CACNB2: variants seen among roughly 807,000 people sequenced by gnomAD.
CACNB2 encodes voltage-dependent L-type calcium channel subunit beta-2.
Under a neutral mutation model 73.3 loss-of-function variants are expected in CACNB2, and 42 were observed. The ratio of observed to expected loss-of-function variants is 0.57; its 90% CI spans 0.45 to 0.74. CACNB2 has a LOEUF of 0.74. CACNB2 is among the 30% of genes least tolerant of loss of function. CACNB2 has a pLI of 0.00. For missense variants in CACNB2, 940 were observed against 853.0 expected (o/e 1.10, Z -1.27); for synonymous variants, 348 against 310.3 (o/e 1.12, Z -1.28).
chr10:18,417,883 TA>T (rs1160204615), intron 3 of CACNB2, among the ~76,000 whole-genome samples: 4 of 151,784 alleles, frequency 2.6e-5, no homozygotes, highest in South Asian at 2.1e-4. Flanking sequence ...TGAAACGATT[TA>T]AAAAAAGATT....
At chr10:18,331,902 A>G (rs1285701380) in intron 2 of CACNB2, among the ~76,000 whole-genome samples, 1 of 152,156 alleles carries the variant, frequency 6.6e-6, no homozygotes, top group East Asian at 1.9e-4. Flanking sequence ...GCAGGAGTTG[A>G]TTAGGGGCGC....
intron 3 of CACNB2, among the ~76,000 whole-genome samples, chr10:18,450,321 A>G (rs1223899475): frequency 6.6e-6 from 1 of 152,192 alleles, no homozygotes; most frequent in African/African-American, 2.4e-5. Flanking sequence ...AGCATCCTTT[A>G]GCAAAAGTAG....
chr10:18,198,343 A>T (rs1292651006), intron 2 of CACNB2, among the ~76,000 whole-genome samples: 5 of 152,012 alleles, frequency 3.3e-5, no homozygotes, highest in African/African-American at 1.2e-4. Flanking sequence ...TGATATATGT[A>T]AAGCTCATAC....
At chr10:18,334,273 T>C (rs2040916273) in intron 2 of CACNB2, among the ~76,000 whole-genome samples, 1 of 152,096 alleles carries the variant, frequency 6.6e-6, no homozygotes, top group African/African-American at 2.4e-5. Context: ...CTCAGGTCCT[T>C]CCATCTGCAA....
At chr10:18,439,458 C>T (rs2046309001) in intron 3 of CACNB2, among the ~76,000 whole-genome samples, 1 of 152,154 alleles carries the variant, frequency 6.6e-6, no homozygotes, top group Non-Finnish European at 1.5e-5. Context: ...GATTCTCAGC[C>T]ACCTTCAGTT....
In CACNB2 at chr10:18,152,709, C is replaced by CAAAAAAAAAAAAAAAAAAA. The variant is rs772732675; in HGVS notation, c.213+1739_213+1757dup. On this transcript the variant is annotated intron_variant, in intron 2 of 13. Coordinates refer to ENST00000324631, the MANE Select transcript of CACNB2 (RefSeq NM_201596.3). ...TCATCATGCAGGACCTGAAACAGAC[C>CAAAAAAAAAAAAAAAAAAA]AAAAAAAAAAAAAAAAAAAAAAACA... 2.5e-3 allele frequency among the ~76,000 whole-genome samples: 123 copies of CAAAAAAAAAAAAAAAAAAA among 49,348 alleles called. 3 individuals are homozygous for CAAAAAAAAAAAAAAAAAAA. Among genetic ancestry groups the CAAAAAAAAAAAAAAAAAAA allele is most frequent in the African/African-American group, 4.0e-3 (52 of 13,078 alleles). The allele number at this position is 49,348 out of a possible 152,430, so 32.4% of individuals were successfully genotyped here. A position where few individuals can be genotyped will look rare whatever the true frequency, so the allele number is the denominator to read the frequency against.
rs547909227 is a variant in CACNB2 at position 18,152,533 on chromosome 10, C to A, written c.213+1558C>A. Among the ~76,000 whole-genome samples the A allele has an allele frequency of 2.6e-5, 4 of 151,906 alleles. 1 individual carries two copies. The South Asian group carries it at 6.3e-4, about 24-fold the overall frequency. ...GCAGAATCCAGGCATCATGGTCCTG[C>A]TGATGAAGGGAGGGCCTTGGGACAT... On this transcript the variant is annotated intron_variant, in intron 2 of 13. Transcript: ENST00000324631.
chr10:18,539,541 C>A lies in CACNB2; in HGVS notation c.1800C>A (p.His600Gln). ...HRDETHGSSD[H>Q]RHRESRHRSR... ...ACGAGACCCACGGGAGCAGTGACCACAGACACAGGGAGTCCCGGCACCGTT... is the reference window on the plus strand; with the variant it reads ...ACGAGACCCACGGGAGCAGTGACCAAAGACACAGGGAGTCCCGGCACCGTT... Residue 600 changes from histidine to glutamine, a missense_variant, in exon 14 of 14, where the codon CAC becomes CAA. Transcript: ENST00000324631. The A allele has an allele frequency of 6.2e-7, 1 of 1,613,894 alleles. No individual in the cohort carries two copies. Among genetic ancestry groups the A allele is most frequent in the Non-Finnish European group, 8.5e-7 (1 of 1,179,996 alleles).
At chr10:18,414,759 A>T (rs1013798193) in intron 3 of CACNB2, among the ~76,000 whole-genome samples, 13 of 145,734 alleles carry the variant, frequency 8.9e-5, no homozygotes, top group African/African-American at 3.0e-4. Flanking sequence ...ATTATTATAA[A>T]TTGCAGTTCA....
chr10:18,469,974 A>G (rs951926677), intron 3 of CACNB2, among the ~76,000 whole-genome samples: 2 of 152,128 alleles, frequency 1.3e-5, no homozygotes, highest in Admixed American at 1.3e-4. Context: ...ACCCAACAAC[A>G]AAAACAGAGA....
intron 2 of CACNB2, among the ~76,000 whole-genome samples, chr10:18,165,920 A>T (rs1211957658): frequency 6.6e-6 from 1 of 152,130 alleles, no homozygotes; most frequent in Admixed American, 6.6e-5. Flanking sequence ...TGGTTTGAAG[A>T]GTTGTAAGTT....
intron 9 of CACNB2, among the ~76,000 whole-genome samples, chr10:18,522,962 T>A (rs1452447491): frequency 6.8e-6 from 1 of 147,616 alleles, no homozygotes; most frequent in African/African-American, 2.5e-5. Context: ...AAACAAAAAC[T>A]ATTATAAGTT....
chr10:18,449,230 A>G (rs1235587498), intron 3 of CACNB2, among the ~76,000 whole-genome samples: 1 of 151,830 alleles, frequency 6.6e-6, no homozygotes, highest in Admixed American at 6.6e-5. Flanking sequence ...TAAAAATACA[A>G]AAAAATTAGC....
At chr10:18,340,922 C>G (rs1311471633) in intron 2 of CACNB2, 1 of 1,614,166 alleles carries the variant, frequency 6.2e-7, no homozygotes, top group East Asian at 2.2e-5. Context: ...TGGAATTGGT[C>G]TAGCATGCTT....
chr10:18,424,496 A>T (rs10764481), intron 3 of CACNB2, among the ~76,000 whole-genome samples: 36,543 of 152,028 alleles, frequency 0.24, 4,732 homozygotes, highest in East Asian at 0.56. Flanking sequence ...GGCGTGTCTG[A>T]TTGAAAGCTG....
At chr10:18,514,827 A>G (rs878969993) in intron 7 of CACNB2, among the ~76,000 whole-genome samples, 5 of 152,210 alleles carry the variant, frequency 3.3e-5, no homozygotes, top group Admixed American at 1.3e-4. Context: ...TGCTTATTCT[A>G]TCTCTTTCTT....
chr10:18,498,283 G>C, intron 3 of CACNB2, 72 bp from the exon 4 acceptor site: 2 of 1,568,810 alleles, frequency 1.3e-6, no homozygotes, highest in Admixed American at 1.7e-5. Flanking sequence ...GTATGTCTTT[G>C]TGTTTGAGGG....
intron 9 of CACNB2, among the ~76,000 whole-genome samples, chr10:18,525,242 C>T (rs2052357246): frequency 6.6e-6 from 1 of 151,830 alleles, no homozygotes; most frequent in Non-Finnish European, 1.5e-5. Context: ...ATTCCTTTCA[C>T]CTTTGTTTTG....
intron 2 of CACNB2, among the ~76,000 whole-genome samples, chr10:18,263,253 A>C (rs545795723): frequency 6.6e-6 from 1 of 152,286 alleles, no homozygotes; most frequent in East Asian, 1.9e-4. Flanking sequence ...CTGTGCATCT[A>C]TCTGTAACGG....
Sources: gnomAD v4.1 joint callset for allele counts (sites outside exome capture counted in the v4.1 genomes callset) on GRCh38, gnomAD v4.1.1 for gene constraint, MANE v1.5 for transcripts, NCBI Gene and HGNC (gene_info 2026-07-23, HGNC 2026-07-21) for gene names.